Variants in HEATR5B observed in about 807,000 individuals in gnomAD.
HEATR5B encodes HEAT repeat containing 5B.
In HEATR5B, 156 loss-of-function variants were observed where a neutral mutation model predicts 224.1. The observed-to-expected ratio is 0.70, with a 90% CI of 0.61 to 0.80. The LOEUF is 0.80. Among genes scored for constraint, HEATR5B ranks in the 30% least tolerant of loss-of-function variants. HEATR5B has a pLI of 0.00. For missense variants in HEATR5B, 2,323 were observed against 2,535.5 expected (o/e 0.92, Z 1.80); for synonymous variants, 1,027 against 893.0 (o/e 1.15, Z -2.68).
At chr2:37,056,116 A>C (rs1670891376) in intron 16 of HEATR5B, among the ~76,000 whole-genome samples, 1 of 151,988 alleles carries the variant, frequency 6.6e-6, no homozygotes, top group Non-Finnish European at 1.5e-5. Context: ...CAAACAAACT[A>C]TTATAATGCA....
At chr2:37,017,317 C>T (rs1447689883) in intron 26 of HEATR5B, among the ~76,000 whole-genome samples, 7 of 151,250 alleles carry the variant, frequency 4.6e-5, no homozygotes, top group South Asian at 2.1e-4. Context: ...TGCTTGAACT[C>T]GGGAGGCGGA....
intron 12 of HEATR5B, among the ~76,000 whole-genome samples, chr2:37,059,817 T>G (rs1572911011): frequency 6.6e-6 from 1 of 152,070 alleles, no homozygotes; most frequent in African/African-American, 2.4e-5. Context: ...TATATATGTA[T>G]ATAAACAAAA....
intron 26 of HEATR5B, among the ~76,000 whole-genome samples, chr2:37,018,391 T>C (rs1035048276): frequency 6.6e-6 from 1 of 152,238 alleles, no homozygotes; most frequent in Non-Finnish European, 1.5e-5. Context: ...TTTTTTGATA[T>C]TTGTGTGGCA....
In HEATR5B at chr2:37,070,400, A is replaced by AT. The variant is rs774538803; in HGVS notation, c.770-14_770-13insA. On this transcript the variant is annotated splice_polypyrimidine_tract_variant and intron_variant, in intron 6 of 35. Transcript: ENST00000233099. ...TTCTGACGCATTACTTTCAAGAAGA[A>AT]AAATTAAAGTATAAGCAAATATATT... 1 of 1,607,554 alleles carries AT rather than the reference A, an allele frequency of 6.2e-7. No individual in the cohort carries two copies. Among genetic ancestry groups the AT allele is most frequent in the Admixed American group, 1.7e-5 (1 of 59,494 alleles).
At chr2:37,065,107 G>C in intron 9 of HEATR5B, 117 bp from the exon 10 acceptor site, 1 of 1,015,938 alleles carries the variant, frequency 9.8e-7, no homozygotes, top group Non-Finnish European at 1.4e-6. Context: ...CACACATATA[G>C]ATCCACAACT....
intron 33 of HEATR5B, among the ~76,000 whole-genome samples, chr2:36,997,523 C>T (rs1666799851): frequency 6.6e-6 from 1 of 151,654 alleles, no homozygotes; most frequent in African/African-American, 2.4e-5. Context: ...TAAAATTGTC[C>T]TCTGTGACAT....
At chr2:36,992,924 C>T (rs947445213) in intron 33 of HEATR5B, among the ~76,000 whole-genome samples, 1 of 151,888 alleles carries the variant, frequency 6.6e-6, no homozygotes, top group African/African-American at 2.4e-5. Flanking sequence ...CAGCGTCTTA[C>T]CATATTGCCC....
chr2:37,014,416 C>A (rs932842340), intron 26 of HEATR5B, among the ~76,000 whole-genome samples: 3 of 151,754 alleles, frequency 2.0e-5, no homozygotes, highest in Non-Finnish European at 2.9e-5. Flanking sequence ...CCTGCCTCAG[C>A]CTCCCAAAGT....
At chr2:37,065,725 C>A in intron 9 of HEATR5B, 30 bp downstream of exon 9, 1 of 1,582,620 alleles carries the variant, frequency 6.3e-7, no homozygotes, top group East Asian at 2.3e-5. Flanking sequence ...AAAGTGGAAA[C>A]ACATACTAGC....
At chr2:37,067,252 C>T (rs1671642438) in intron 8 of HEATR5B, among the ~76,000 whole-genome samples, 1 of 152,138 alleles carries the variant, frequency 6.6e-6, no homozygotes, top group African/African-American at 2.4e-5. Flanking sequence ...TTTAAGCTCC[C>T]TGAGGATAGG....
intron 2 of HEATR5B, among the ~76,000 whole-genome samples, chr2:37,082,726 C>T (rs1168606136): frequency 1.3e-5 from 2 of 152,186 alleles, no homozygotes; most frequent in East Asian, 1.9e-4. Context: ...ATGTTAATGG[C>T]TGGCTTGCTG....
intron 19 of HEATR5B, chr2:37,040,890 C>T (rs1338723353): frequency 4.8e-6 from 2 of 417,964 alleles, no homozygotes; most frequent in Non-Finnish European, 8.3e-6. Context: ...AAAAAGTACA[C>T]AGAATAATAC....
chr2:37,044,708 A>AT (rs1265634559), intron 18 of HEATR5B, among the ~76,000 whole-genome samples: 1 of 152,186 alleles, frequency 6.6e-6, no homozygotes, highest in Non-Finnish European at 1.5e-5. Flanking sequence ...TGTCTGTAAC[A>AT]TTTTGCATTT....
At chr2:37,061,409 C>A (rs890294954) in intron 11 of HEATR5B, among the ~76,000 whole-genome samples, 2 of 152,140 alleles carry the variant, frequency 1.3e-5, no homozygotes, top group African/African-American at 4.8e-5. Flanking sequence ...CATATATGCA[C>A]ACACTTTTTA....
intron 5 of HEATR5B, 39 bp from the exon 6 acceptor site, chr2:37,072,320 C>T (rs1045210135): frequency 1.1e-5 from 16 of 1,420,570 alleles, no homozygotes; most frequent in African/African-American, 2.8e-5. Flanking sequence ...CATCCTATAA[C>T]ATCTGCTTCC....
intron 22 of HEATR5B, among the ~76,000 whole-genome samples, chr2:37,030,296 C>T (rs1669046006): frequency 6.6e-6 from 1 of 152,002 alleles, no homozygotes; most frequent in Non-Finnish European, 1.5e-5. Context: ...TGAAAGGGTT[C>T]CAAGAAAAGA....
intron 33 of HEATR5B, among the ~76,000 whole-genome samples, chr2:36,997,721 C>T (rs1473131177): frequency 6.6e-6 from 1 of 152,262 alleles, no homozygotes; most frequent in African/African-American, 2.4e-5. Flanking sequence ...CGCCCGCCAC[C>T]ACGCCCAGCT....
intron 24 of HEATR5B, among the ~76,000 whole-genome samples, chr2:37,025,583 T>C (rs1261862918): frequency 3.4e-5 from 5 of 148,150 alleles, no homozygotes; most frequent in African/African-American, 1.0e-4. Flanking sequence ...GGGAGAAACG[T>C]AGACAAATTA....
intron 33 of HEATR5B, among the ~76,000 whole-genome samples, chr2:36,994,936 G>C (rs1272420507): frequency 1.3e-5 from 2 of 151,766 alleles, no homozygotes; most frequent in South Asian, 2.1e-4. Flanking sequence ...ATTTTTAGTA[G>C]AGACGGGGTT....
Sources: allele counts gnomAD v4.1 joint callset (sites outside exome capture counted in the v4.1 genomes callset), GRCh38; gene constraint gnomAD v4.1.1; transcripts MANE v1.5; gene names NCBI Gene and HGNC (gene_info 2026-07-23, HGNC 2026-07-21).